Variants in TEX2 observed in about 807,000 individuals in gnomAD.
TEX2 encodes testis expressed 2.
In TEX2, 53 loss-of-function variants were observed where a neutral mutation model predicts 106.9. That is an observed-to-expected ratio of 0.50 (90% confidence interval 0.40 to 0.62). The LOEUF is 0.62. Among genes scored for constraint, TEX2 ranks in the 20% least tolerant of loss-of-function variants. The probability of loss-of-function intolerance (pLI) is 0.00; values close to 1 mark genes in which losing one functional copy is unlikely to be tolerated. For synonymous variants in TEX2, 523 were observed against 534.8 expected (o/e 0.98, Z 0.30); for missense variants, 1,207 against 1,379.0 (o/e 0.88, Z 1.98).
At chr17:64,224,648 GCAC>G (rs1555633669) in intron 1 of TEX2, among the ~76,000 whole-genome samples, 1 of 152,036 alleles carries the variant, frequency 6.6e-6, no homozygotes, top group East Asian at 1.9e-4. Flanking sequence ...GCAGGGTCCT[GCAC>G]CACCACCAAC....
chr17:64,228,939 C>CGT (rs2033587641), intron 1 of TEX2, among the ~76,000 whole-genome samples: 3 of 18,850 alleles, frequency 1.6e-4, no homozygotes, highest in Non-Finnish European at 6.2e-4. Flanking sequence ...TACACACACA[C>CGT]ACACACACAC....
intron 1 of TEX2, among the ~76,000 whole-genome samples, chr17:64,245,776 A>T (rs1272239157): frequency 1.1e-5 from 1 of 90,698 alleles, no homozygotes; most frequent in Admixed American, 1.4e-4. Context: ...AACCAACTGG[A>T]CAAGACGGAA....
At position 64,213,186 on chromosome 17, in the gene TEX2, G is replaced by C. The variant is rs373576501; in HGVS notation, c.1032C>G (p.Tyr344Ter). The change falls in exon 2 of 12, where the codon TAC (tyrosine) becomes TAG (stop). Residue 344 changes from tyrosine (Y) to a stop codon, truncating the protein, a stop_gained. Coordinates refer to ENST00000584379, the MANE Select transcript of TEX2 (RefSeq NM_001288732.2). LOFTEE classifies it high-confidence loss of function. This position sits in a 1 kb window ranked among gnomAD's most constrained non-coding sequence, Gnocchi z 4.4. ...AATCACACTCCTCCTCCTTGATGCT[G>C]TAGTTGTTATTGCTTTCCAAGTGCC... Reference protein sequence around the residue: ...LNGHLESNNNYSIKEEECDSE... With the variant: ...LNGHLESNNN 6.2e-7 allele frequency: 1 copy of C among 1,614,166 alleles called. No individual in the cohort carries two copies. Among genetic ancestry groups the C allele is most frequent in the Non-Finnish European group, 8.5e-7 (1 of 1,180,042 alleles).
intron 10 of TEX2, among the ~76,000 whole-genome samples, chr17:64,151,945 CTTTTT>C (rs1004575835): frequency 1.3e-5 from 2 of 151,812 alleles, no homozygotes; most frequent in Non-Finnish European, 2.9e-5. Flanking sequence ...CAATCTTTCT[CTTTTT>C]TTTAACAATG....
intron 1 of TEX2, among the ~76,000 whole-genome samples, chr17:64,235,396 A>G (rs964829307): frequency 1.3e-5 from 2 of 152,168 alleles, no homozygotes; most frequent in Admixed American, 6.5e-5. Flanking sequence ...TGCTCCAAGA[A>G]AGTGTTCCAT....
intron 7 of TEX2, among the ~76,000 whole-genome samples, chr17:64,170,572 T>C (rs1007876549): frequency 7.1e-6 from 1 of 140,722 alleles, no homozygotes; most frequent in Admixed American, 7.4e-5. Flanking sequence ...GGCCCTATAA[T>C]AACCAAGAGA....
chr17:64,180,542 C>T (rs1452779219), intron 5 of TEX2, among the ~76,000 whole-genome samples: 1 of 152,188 alleles, frequency 6.6e-6, no homozygotes, highest in East Asian at 1.9e-4. Flanking sequence ...GATTCAACAG[C>T]CTGCTAGGAA....
intron 1 of TEX2, among the ~76,000 whole-genome samples, chr17:64,244,254 G>A (rs2033946854): frequency 6.6e-6 from 1 of 152,178 alleles, no homozygotes; most frequent in Admixed American, 6.5e-5. Context: ...ATCCTAGGAA[G>A]CCTGAGAACT....
At chr17:64,200,814 T>C (rs1237276573) in intron 2 of TEX2, among the ~76,000 whole-genome samples, 1 of 152,092 alleles carries the variant, frequency 6.6e-6, no homozygotes, top group Non-Finnish European at 1.5e-5. Context: ...CCAAATTCCT[T>C]TATTCTGCTT....
In TEX2 at chr17:64,205,080, G is replaced by T. The variant is rs1364197316; in HGVS notation, c.1644+7494C>A. On this transcript the variant is annotated intron_variant, in intron 2 of 11. Coordinates refer to ENST00000584379, the MANE Select transcript of TEX2 (RefSeq NM_001288732.2). This position sits in a 1 kb window ranked among gnomAD's most constrained non-coding sequence, Gnocchi z 4.0. The stretch of plus-strand genomic sequence containing the variant: ...ATATTGTTCCTATGGAATTCAGGAA[G>T]CACGTTCCACACAGCTGCCTCTCCA... Among the ~76,000 whole-genome samples the T allele has an allele frequency of 3.3e-5, 5 of 152,190 alleles. No individual in the cohort carries two copies. The highest frequency in any genetic ancestry group is 5.9e-5 in the Non-Finnish European group (4 of 68,030).
intron 2 of TEX2, among the ~76,000 whole-genome samples, chr17:64,201,759 A>T (rs181708661): frequency 6.6e-6 from 1 of 152,324 alleles, no homozygotes; most frequent in South Asian, 2.1e-4. Context: ...GTACTCTCCC[A>T]TCACTGTATC....
intron 1 of TEX2, among the ~76,000 whole-genome samples, chr17:64,231,007 A>T (rs1038589832): frequency 1.3e-5 from 2 of 152,194 alleles, no homozygotes; most frequent in Non-Finnish European, 1.5e-5. Context: ...GACTTTCCAG[A>T]CTTGTCTTGC....
intron 1 of TEX2, among the ~76,000 whole-genome samples, chr17:64,256,398 T>C (rs887807513): frequency 1.3e-5 from 2 of 152,214 alleles, no homozygotes; most frequent in East Asian, 3.8e-4. Context: ...CTGCTCTCCC[T>C]GCTACACTAT....
chr17:64,233,156 A>T (rs574819298), intron 1 of TEX2, among the ~76,000 whole-genome samples: 90 of 152,252 alleles, frequency 5.9e-4, no homozygotes, highest in Non-Finnish European at 1.0e-3. Flanking sequence ...CTATATGTGC[A>T]CAACCACACA....
At position 64,169,048 on chromosome 17, in the gene TEX2, C is replaced by CT. The variant is rs555898402; in HGVS notation, c.2671+2051dup. Among the ~76,000 whole-genome samples, 21 of 151,664 alleles carry CT rather than the reference C, an allele frequency of 1.4e-4. No individual in the cohort carries two copies. In the South Asian group the frequency reaches 4.0e-3, roughly 29 times the overall value. On this transcript the variant is annotated intron_variant, in intron 7 of 11. Coordinates refer to ENST00000584379, the MANE Select transcript of TEX2 (RefSeq NM_001288732.2). Reference sequence around the variant, plus strand: ...TAAAGCTCTGTTATTTTCTTTCTTTCTTTTTTTTAAGACAGAGTCTCGCTC... The same window carrying CT: ...TAAAGCTCTGTTATTTTCTTTCTTTCTTTTTTTTTAAGACAGAGTCTCGCTC...
chr17:64,158,791 G>A (rs2030751177), intron 8 of TEX2, among the ~76,000 whole-genome samples: 1 of 152,158 alleles, frequency 6.6e-6, no homozygotes, highest in Non-Finnish European at 1.5e-5. Flanking sequence ...TCTGAAAAAA[G>A]GGGTAAGGGT....
chr17:64,151,206 AC>A, intron 10 of TEX2, among the ~76,000 whole-genome samples: 1 of 152,308 alleles, frequency 6.6e-6, no homozygotes. Flanking sequence ...GCCAGGAAGC[AC>A]CACTGGAAAA....
At chr17:64,191,732 T>G (rs563825015) in intron 4 of TEX2, among the ~76,000 whole-genome samples, 78 of 147,398 alleles carry the variant, frequency 5.3e-4, no homozygotes, top group African/African-American at 2.0e-3. Flanking sequence ...GCAGGAGAAC[T>G]GCTTGAACCT....
intron 8 of TEX2, among the ~76,000 whole-genome samples, chr17:64,156,950 C>A (rs2030658755): frequency 6.6e-6 from 1 of 152,224 alleles, no homozygotes; most frequent in Non-Finnish European, 1.5e-5. Context: ...TAATCCTCTG[C>A]AGGTCACAGA....
Sources: allele counts gnomAD v4.1 joint callset (sites outside exome capture counted in the v4.1 genomes callset), GRCh38; gene constraint gnomAD v4.1.1; non-coding constraint Gnocchi (gnomAD v3.1); transcripts MANE v1.5; gene names NCBI Gene and HGNC (gene_info 2026-07-23, HGNC 2026-07-21).